Variants in ATM observed in about 807,000 individuals in gnomAD.
ATM encodes ATM serine/threonine kinase.
Under a neutral mutation model 387.0 loss-of-function variants are expected in ATM, and 308 were observed. That is an observed-to-expected ratio of 0.80 (90% CI 0.73 to 0.87). The LOEUF is 0.87. Among genes scored for constraint, ATM ranks in the 40% least tolerant of loss-of-function variants. The pLI is 0.00. For missense variants in ATM, 3,312 were observed against 3,560.9 expected, an observed-to-expected ratio of 0.93 and a Z score of 1.78; for synonymous variants, 1,156 against 1,187.3, an observed-to-expected ratio of 0.97 and a Z score of 0.54.
intron 35 of ATM, 35 bp from the exon 36 acceptor site, chr11:108,302,818 C>A: frequency 6.4e-7 from 1 of 1,563,008 alleles, no homozygotes; most frequent in Non-Finnish European, 8.8e-7. Flanking sequence ...ATTTCCACTT[C>A]TCTTATTTAC....
At chr11:108,354,089 A>G (rs2089585785) in intron 60 of ATM, among the ~76,000 whole-genome samples, 2 of 151,560 alleles carry the variant, frequency 1.3e-5, no homozygotes, top group Non-Finnish European at 2.9e-5. Context: ...ACACACACAC[A>G]CACACACACA....
rs1357506783 is a variant in ATM at position 108,227,639 on chromosome 11, T to G, written c.15T>G (p.Leu5=). Residue 5 remains leucine (L), a synonymous_variant, in exon 2 of 63, where the codon CTT becomes CTG. Coordinates refer to ENST00000675843, the MANE Select transcript of ATM (RefSeq NM_000051.4). ...AATTGTGAACCATGAGTCTAGTACTTAATGATCTGCTTATCTGCTGCCGTC... is the reference window on the plus strand; with the variant it reads ...AATTGTGAACCATGAGTCTAGTACTGAATGATCTGCTTATCTGCTGCCGTC... MSLV[L]NDLLICCRQL... is the part of the protein sequence containing the mutation. 6.2e-7 allele frequency: 1 copy of G among 1,613,816 alleles called. No individual in the cohort carries two copies. Among genetic ancestry groups the G allele is most frequent in the South Asian group, 1.1e-5 (1 of 91,080 alleles).
chr11:108,265,406 G>C (rs1391239587), intron 16 of ATM, among the ~76,000 whole-genome samples: 2 of 152,166 alleles, frequency 1.3e-5, no homozygotes, highest in Non-Finnish European at 1.5e-5. Context: ...TTAATAAATG[G>C]TGCTGGGAAA....
intron 5 of ATM, among the ~76,000 whole-genome samples, chr11:108,241,906 T>A (rs1191509667): frequency 6.6e-6 from 1 of 150,948 alleles, no homozygotes; most frequent in Non-Finnish European, 1.5e-5. Flanking sequence ...CATCACACCC[T>A]GCTAATTTTT....
intron 22 of ATM, among the ~76,000 whole-genome samples, chr11:108,274,243 T>G (rs892037978): frequency 6.6e-6 from 1 of 152,216 alleles, no homozygotes; most frequent in African/African-American, 2.4e-5. Context: ...TTATTGAGTC[T>G]ATTTGATTCT....
intron 13 of ATM, among the ~76,000 whole-genome samples, chr11:108,255,361 A>G (rs2034031576): frequency 6.6e-6 from 1 of 152,042 alleles, no homozygotes; most frequent in Non-Finnish European, 1.5e-5. Context: ...GGAACAAAAA[A>G]AATCTGAACA....
At chr11:108,279,239 G>A (rs1247698931) in intron 22 of ATM, among the ~76,000 whole-genome samples, 2 of 152,148 alleles carry the variant, frequency 1.3e-5, no homozygotes, top group African/African-American at 4.8e-5. Flanking sequence ...TTGAGCAATA[G>A]TTAAAATATA....
intron 9 of ATM, 96 bp downstream of exon 9, chr11:108,249,198 A>T: frequency 7.1e-7 from 1 of 1,410,006 alleles, no homozygotes; most frequent in South Asian, 1.2e-5. Flanking sequence ...CTCAACCAGA[A>T]CTAAGTCATT....
rs373789346 is a variant in ATM, at chr11:108,301,659, G to A, written c.5189G>A (p.Arg1730Gln). 4.2e-5 allele frequency: 68 copies of A among 1,613,370 alleles called. No individual in the cohort carries two copies. The highest frequency in any genetic ancestry group is 1.1e-4 in the East Asian group (5 of 44,796). The change falls in exon 35 of 63, where the codon CGA becomes CAA. Residue 1730 changes from arginine to glutamine, a missense_variant. Physicochemically the swap from Arg to Gln is conservative, Grantham distance 43. Coordinates refer to ENST00000675843, the MANE Select transcript of ATM (RefSeq NM_000051.4). ...ATTGTTTTTTTCAGTGTCAAAGTTC[G>A]ATCAGCAGCTGTTACCTGTTTGAAA... is the stretch of plus-strand genomic sequence containing the variant. The part of the protein sequence containing the change: ...NTLVEDCVKV[R>Q]SAAVTCLKNI...
In ATM at chr11:108,294,979, G is replaced by T; in HGVS notation, c.4829G>T (p.Arg1610Ile). ...VSVYDALPLT[R>I]LEGLKDLRRQ... ...GTTTATGATGCACTTCCATTGACAAGACTTGAAGGACTAAAGGATCTTCGA... is the reference window on the plus strand; with the variant it reads ...GTTTATGATGCACTTCCATTGACAATACTTGAAGGACTAAAGGATCTTCGA... The change falls in exon 32 of 63, where the codon AGA becomes ATA. Residue 1610 changes from arginine to isoleucine, a missense_variant. Physicochemically the swap from Arg to Ile is moderately conservative, Grantham distance 97 (BLOSUM62 -3). Around this residue, in one of 4 missense-constraint regions of ATM, gnomAD observed 1,405 missense variants for 1,604.4 expected, o/e 0.88. Transcript: ENST00000675843. The T allele has an allele frequency of 6.2e-7, 1 of 1,613,806 alleles. No individual in the cohort carries two copies. Among genetic ancestry groups the T allele is most frequent in the South Asian group, 1.1e-5 (1 of 91,068 alleles).
At chr11:108,326,017 G>A (rs766790269) in intron 46 of ATM, 41 bp from the exon 47 acceptor site, 1 of 1,597,106 alleles carries the variant, frequency 6.3e-7, no homozygotes, top group Non-Finnish European at 8.6e-7. Context: ...AGTAGTATCA[G>A]TAGTAAAAGT....
chr11:108,259,184 C>T, intron 16 of ATM, 109 bp downstream of exon 16: 1 of 973,472 alleles, frequency 1.0e-6, no homozygotes, highest in South Asian at 1.4e-5. Flanking sequence ...TAGCTCTTAA[C>T]ATTTTTACAA....
chr11:108,335,293 C>A (rs527756603), intron 55 of ATM, 184 bp downstream of exon 55: 1 of 1,508,246 alleles, frequency 6.6e-7, no homozygotes, highest in African/African-American at 1.4e-5. Flanking sequence ...TTTTGTGTCT[C>A]TGAAAGACAA....
Position 108,325,423 on chromosome 11 carries a change from T to A in ATM, c.6686T>A (p.Val2229Asp), listed in dbSNP as rs1555119144. 1 of 1,613,788 alleles carries A rather than the reference T, an allele frequency of 6.2e-7. No individual in the cohort carries two copies. The highest frequency in any genetic ancestry group is 1.1e-5 in the South Asian group (1 of 91,072). The change falls in exon 46 of 63, where the codon GTC becomes GAC. Residue 2229 changes from valine to aspartate, a missense_variant. Val to Asp is a radical substitution (Grantham distance 152). This residue lies in a region of ATM where 1,405 missense variants were observed against 1,604.4 expected (regional missense o/e 0.88). Coordinates refer to ENST00000675843, the MANE Select transcript of ATM (RefSeq NM_000051.4). ...FQEPIMALRTVILEILMEKEM... is the reference protein window; with the variant it reads ...FQEPIMALRTDILEILMEKEM... ...GAGCCTATCATGGCTCTACGCACAG[T>A]CATTTTGGAGATCCTGATGGAAAAG... is the stretch of plus-strand genomic sequence containing the variant.
chr11:108,260,799 G>A (rs943224088), intron 16 of ATM, among the ~76,000 whole-genome samples: 5 of 152,322 alleles, frequency 3.3e-5, no homozygotes, highest in Non-Finnish European at 5.9e-5. Context: ...TGCGCGAGCC[G>A]AAGCAGGGCG....
chr11:108,316,061 A>G lies in ATM; in HGVS notation c.6146A>G (p.Tyr2049Cys), dbSNP rs1233757467. 6.2e-7 allele frequency: 1 copy of G among 1,614,176 alleles called. No individual in the cohort carries two copies. Among genetic ancestry groups the G allele is most frequent in the Non-Finnish European group, 8.5e-7 (1 of 1,180,014 alleles). ...EAMWGKALVT[Y>C]DLETAIPSST... ...ATGTGGGGCAAAGCCCTAGTAACAT[A>G]TGACCTCGAAACAGCAATCCCCTCA... Residue 2049 changes from tyrosine to cysteine, a missense_variant, in exon 42 of 63, where the codon TAT (tyrosine) becomes TGT (cysteine). By Grantham distance (194) the Tyr-to-Cys change is radical (BLOSUM62 -2). This residue lies in a region of ATM where 1,405 missense variants were observed against 1,604.4 expected (regional missense o/e 0.88). Transcript: ENST00000675843.
At position 108,250,688 on chromosome 11, in the gene ATM, T is replaced by TA. The variant is rs2080085935; in HGVS notation, c.1236-13_1236-12insA. 6.3e-7 allele frequency: 1 copy of TA among 1,594,868 alleles called. No homozygotes were observed. The highest frequency in any genetic ancestry group is 1.7e-5 in the Admixed American group (1 of 59,426). ...GGAATAGTTTTCAAATTATCCTTTTTTTTTTTTTTTAGGCTACAGATTGCA... is the reference window on the plus strand; with the variant it reads ...GGAATAGTTTTCAAATTATCCTTTTTATTTTTTTTTTAGGCTACAGATTGCA... On this transcript the variant is annotated splice_polypyrimidine_tract_variant and intron_variant, in intron 9 of 62. Transcript: ENST00000675843.
At chr11:108,268,344 G>A in intron 17 of ATM, 66 bp from the exon 18 acceptor site, 2 of 1,456,030 alleles carry the variant, frequency 1.4e-6, no homozygotes, top group East Asian at 4.5e-5. Context: ...GGAAATTTGA[G>A]TTAATATGAC....
chr11:108,298,089 C>T (rs1289024933), intron 33 of ATM, among the ~76,000 whole-genome samples: 1 of 152,108 alleles, frequency 6.6e-6, no homozygotes, highest in African/African-American at 2.4e-5. Flanking sequence ...CATTCAAGTC[C>T]TTTCCTACAG....
Sources: allele counts gnomAD v4.1 joint callset (sites outside exome capture counted in the v4.1 genomes callset), GRCh38; gene constraint gnomAD v4.1.1; regional missense constraint gnomAD v4.1.1; transcripts MANE v1.5; gene names NCBI Gene and HGNC (gene_info 2026-07-23, HGNC 2026-07-21).